TSHZ1: variants seen among roughly 807,000 people sequenced by gnomAD.
The protein encoded by TSHZ1 is teashirt zinc finger homeobox 1, also known as teashirt homolog 1.
In TSHZ1, 12 loss-of-function variants were observed where a neutral mutation model predicts 67.1. That is an observed-to-expected ratio of 0.18 (90% CI 0.11 to 0.29). TSHZ1 has a LOEUF of 0.29. Ranked by LOEUF, TSHZ1 falls within the 10% of genes least tolerant of loss-of-function variation. The probability of loss-of-function intolerance (pLI) is 1.00; values close to 1 mark genes in which losing one functional copy is unlikely to be tolerated. For missense variants in TSHZ1, 1,305 were observed against 1,413.9 expected (o/e 0.92, Z 1.23); for synonymous variants, 632 against 622.4 (o/e 1.02, Z -0.23).
At chr18:75,237,929 C>T (rs2023099796) in intron 1 of TSHZ1, among the ~76,000 whole-genome samples, 1 of 152,138 alleles carries the variant, frequency 6.6e-6, no homozygotes, top group Admixed American at 6.5e-5. Flanking sequence ...TCTCCTGCCT[C>T]AGCCTCCCGA....
At chr18:75,245,965 A>G (rs1015053217) in intron 1 of TSHZ1, among the ~76,000 whole-genome samples, 3 of 152,190 alleles carry the variant, frequency 2.0e-5, no homozygotes, top group Admixed American at 2.0e-4. Flanking sequence ...GACTTCCACA[A>G]ATACAATGCT....
intron 1 of TSHZ1, among the ~76,000 whole-genome samples, chr18:75,274,021 C>T (rs1012811238): frequency 6.6e-6 from 1 of 152,172 alleles, no homozygotes; most frequent in Admixed American, 6.5e-5. Context: ...GCGGCGCCTC[C>T]TCCTGGGCTG....
intron 1 of TSHZ1, among the ~76,000 whole-genome samples, chr18:75,251,017 A>G (rs990678564): frequency 2.6e-5 from 4 of 152,212 alleles, no homozygotes; most frequent in Non-Finnish European, 5.9e-5. Context: ...GGAGTTATTT[A>G]GACCACACTC....
At chr18:75,242,645 G>A (rs903834580) in intron 1 of TSHZ1, among the ~76,000 whole-genome samples, 3 of 152,226 alleles carry the variant, frequency 2.0e-5, no homozygotes, top group African/African-American at 4.8e-5. Context: ...CTGCTACATA[G>A]GGTCCAGCTT....
At position 75,261,647 on chromosome 18, in the gene TSHZ1, C is replaced by T. The variant is rs1421864749; in HGVS notation, c.41-23801C>T. On this transcript the variant is annotated intron_variant, in intron 1 of 1. Transcript: ENST00000580243. ...CTATCTTGTTTACAACGTAATTTCT[C>T]ATTTCATAGTTACATAGTGTATTCA... Among the ~76,000 whole-genome samples the T allele has an allele frequency of 3.9e-5, 6 of 152,220 alleles. No individual in the cohort carries two copies. The East Asian group carries it at 5.8e-4, about 15-fold the overall frequency.
intron 1 of TSHZ1, among the ~76,000 whole-genome samples, chr18:75,229,191 G>A (rs988364082): frequency 1.3e-5 from 2 of 152,234 alleles, no homozygotes; most frequent in African/African-American, 2.4e-5. Context: ...CCGACCTGCC[G>A]GCCCTCCTCA....
At chr18:75,265,435 G>A (rs556403142) in intron 1 of TSHZ1, among the ~76,000 whole-genome samples, 1 of 152,266 alleles carries the variant, frequency 6.6e-6, no homozygotes, top group African/African-American at 2.4e-5. Context: ...CTGTCGTATG[G>A]CCGCTGAGTT....
Position 75,287,052 on chromosome 18 carries a change from C to A in TSHZ1, c.1645C>A (p.Leu549Met). Reference sequence around the variant, plus strand: ...CCTGGACGACAGCCCCAAGGGAGGGCTGGACATTCTCAAGTCCCTGGAGAA... The same window carrying A: ...CCTGGACGACAGCCCCAAGGGAGGGATGGACATTCTCAAGTCCCTGGAGAA... The part of the protein sequence containing the change: ...EDLDDSPKGG[L>M]DILKSLENTV... The change falls in exon 2 of 2, where the codon CTG (leucine) becomes ATG (methionine). Residue 549 changes from leucine (L) to methionine (M), a missense_variant. Leu to Met is a conservative substitution (Grantham distance 15). Transcript: ENST00000580243. The surrounding 1 kb of genome is among the most constrained non-coding windows in gnomAD (Gnocchi z 5.0). The A allele has an allele frequency of 1.9e-6, 3 of 1,614,046 alleles. No individual in the cohort carries two copies. Among genetic ancestry groups the A allele is most frequent in the Non-Finnish European group, 1.7e-6 (2 of 1,180,018 alleles).
chr18:75,250,041 C>T (rs1373517869), intron 1 of TSHZ1, among the ~76,000 whole-genome samples: 2 of 151,072 alleles, frequency 1.3e-5, no homozygotes, highest in East Asian at 3.9e-4. Context: ...TCCTGCCTTC[C>T]TCCTGCAGTA....
At chr18:75,255,273 C>T (rs537552143) in intron 1 of TSHZ1, among the ~76,000 whole-genome samples, 1 of 152,108 alleles carries the variant, frequency 6.6e-6, no homozygotes, top group Non-Finnish European at 1.5e-5. Context: ...TCTGCCTGTT[C>T]ACCTCTAGTT....
At chr18:75,231,134 C>A (rs902922350) in intron 1 of TSHZ1, among the ~76,000 whole-genome samples, 31 of 152,192 alleles carry the variant, frequency 2.0e-4, no homozygotes, top group African/African-American at 7.5e-4. Flanking sequence ...GTGCGTGGGC[C>A]TGACAGGCTC....
chr18:75,219,550 T>C (rs1345019), intron 1 of TSHZ1, among the ~76,000 whole-genome samples: 60,923 of 152,056 alleles, frequency 0.4, 13,189 homozygotes, highest in African/African-American at 0.57. Flanking sequence ...AGTTCAGGGT[T>C]TTTTTCTTGC....
chr18:75,229,758 G>C (rs2022973352), intron 1 of TSHZ1, among the ~76,000 whole-genome samples: 1 of 152,238 alleles, frequency 6.6e-6, no homozygotes, highest in African/African-American at 2.4e-5. Context: ...AAGTCAGGCA[G>C]TGGACTGGTT....
In TSHZ1 at chr18:75,286,455, T is replaced by A. The variant is rs2023765546; in HGVS notation, c.1048T>A (p.Ser350Thr). 6.2e-7 allele frequency: 1 copy of A among 1,614,136 alleles called. No individual in the cohort carries two copies. Among genetic ancestry groups the A allele is most frequent in the Non-Finnish European group, 8.5e-7 (1 of 1,180,016 alleles). The stretch of plus-strand genomic sequence containing the variant: ...GCCAGCCATCACCAAACTGGTCCCC[T>A]CCACCAAAAAGCGGGCGCTTCAGGA... ...PVPAITKLVP[S>T]TKKRALQDLA... Residue 350 changes from serine (S) to threonine (T), a missense_variant, in exon 2 of 2, where the codon TCC (serine) becomes ACC (threonine). Physicochemically the swap from Ser to Thr is moderately conservative, Grantham distance 58. Coordinates refer to ENST00000580243, the MANE Select transcript of TSHZ1 (RefSeq NM_001308210.2). This position sits in a 1 kb window ranked among gnomAD's most constrained non-coding sequence, Gnocchi z 5.1.
At chr18:75,226,785 G>A (rs1334666068) in intron 1 of TSHZ1, among the ~76,000 whole-genome samples, 5 of 152,112 alleles carry the variant, frequency 3.3e-5, no homozygotes, top group East Asian at 1.9e-4. Flanking sequence ...AAACGCCGCC[G>A]ACAAAGCCTG....
rs748066897 is a variant in TSHZ1 at position 75,286,879 on chromosome 18, C to T, written c.1472C>T (p.Ala491Val). 4.4e-5 allele frequency: 71 copies of T among 1,614,034 alleles called. No individual in the cohort carries two copies. In the Admixed American group the frequency reaches 7.3e-4, roughly 17 times the overall value. The stretch of plus-strand genomic sequence containing the variant: ...ATCAAAAAGCAGCCCGACTCTCCCG[C>T]GGGGTCCACGACTTCTGAAGAAAAG... ...SSIKKQPDSPAGSTTSEEKKE... is the reference protein window; with the variant it reads ...SSIKKQPDSPVGSTTSEEKKE... The change falls in exon 2 of 2, where the codon GCG becomes GTG. Residue 491 changes from alanine to valine, a missense_variant. Transcript: ENST00000580243. This position sits in a 1 kb window ranked among gnomAD's most constrained non-coding sequence, Gnocchi z 5.1.
chr18:75,264,655 C>T (rs369285430), intron 1 of TSHZ1, among the ~76,000 whole-genome samples: 5 of 152,156 alleles, frequency 3.3e-5, no homozygotes, highest in Admixed American at 2.0e-4. Flanking sequence ...AAGCATGATA[C>T]CTGGGCCAAC....
chr18:75,241,011 A>G (rs2023149227), intron 1 of TSHZ1, among the ~76,000 whole-genome samples: 1 of 152,188 alleles, frequency 6.6e-6, no homozygotes, highest in Non-Finnish European at 1.5e-5. Context: ...CTGCTGGGGT[A>G]CCTGCACCAT....
intron 1 of TSHZ1, among the ~76,000 whole-genome samples, chr18:75,252,024 G>A (rs1242759304): frequency 6.6e-6 from 1 of 151,978 alleles, no homozygotes; most frequent in East Asian, 1.9e-4. Context: ...TTGATATTTG[G>A]GTATATATTC....
Sources: allele counts gnomAD v4.1 joint callset (sites outside exome capture counted in the v4.1 genomes callset), GRCh38; gene constraint gnomAD v4.1.1; non-coding constraint Gnocchi (gnomAD v3.1); transcripts MANE v1.5; gene names NCBI Gene and HGNC (gene_info 2026-07-23, HGNC 2026-07-21).